MTCL2: variants seen among roughly 807,000 people sequenced by gnomAD.
The protein encoded by MTCL2 is microtubule cross-linking factor 2.
the MTCL2 span, chr20:36,783,478 C>T: frequency 6.6e-6 from 1 of 152,370 alleles, no homozygotes; most frequent in African/African-American, 2.4e-5. Context: ...GATGCCAACC[C>T]CATGGACCCA....
At chr20:36,822,205 G>T in the MTCL2 span, among the ~76,000 whole-genome samples, 29 of 152,380 alleles carry the variant, frequency 1.9e-4, no homozygotes, top group East Asian at 5.0e-3. Flanking sequence ...GCTGCACCCC[G>T]CAAGAAAGCC....
the MTCL2 span, among the ~76,000 whole-genome samples, chr20:36,788,379 C>T: frequency 2.6e-5 from 4 of 151,138 alleles, no homozygotes; most frequent in East Asian, 4.0e-4. Flanking sequence ...GGCCCGGGCG[C>T]GGTGGCTCAT....
At chr20:36,819,519 A>G in the MTCL2 span, among the ~76,000 whole-genome samples, 21 of 152,084 alleles carry the variant, frequency 1.4e-4, 2 homozygotes, top group South Asian at 4.4e-3. Context: ...CCAAATTCCA[A>G]AGAGTTGGTA....
At chr20:36,781,754 A>G in the MTCL2 span, 1 of 151,934 alleles carries the variant, frequency 6.6e-6, no homozygotes, top group African/African-American at 2.4e-5. Flanking sequence ...AACTTAAAAA[A>G]AGAAAGATAG....
At chr20:36,812,787 T>C in the MTCL2 span, 18 of 1,613,774 alleles carry the variant, frequency 1.1e-5, no homozygotes, top group Non-Finnish European at 1.5e-5. Context: ...AAGTCACCAG[T>C]GCGGAAAGCC....
At chr20:36,835,839 C>T in the MTCL2 span, among the ~76,000 whole-genome samples, 2 of 152,170 alleles carry the variant, frequency 1.3e-5, no homozygotes, top group Non-Finnish European at 2.9e-5. Context: ...CACCCGCTCC[C>T]CACACCCGCC....
At chr20:36,830,777 C>T in the MTCL2 span, among the ~76,000 whole-genome samples, 32 of 152,332 alleles carry the variant, frequency 2.1e-4, no homozygotes, top group Middle Eastern at 3.4e-3. Flanking sequence ...ACAGGCCCGA[C>T]AGGATAACTG....
the MTCL2 span, among the ~76,000 whole-genome samples, chr20:36,817,141 C>T: frequency 6.6e-6 from 1 of 151,710 alleles, no homozygotes; most frequent in Non-Finnish European, 1.5e-5. Context: ...GTGGTGCACG[C>T]CTGTAGTCCC....
At chr20:36,804,559 T>G in the MTCL2 span, among the ~76,000 whole-genome samples, 1 of 152,188 alleles carries the variant, frequency 6.6e-6, no homozygotes, top group Non-Finnish European at 1.5e-5. Context: ...CCCCACCGTT[T>G]CTGATACCCT....
the MTCL2 span, among the ~76,000 whole-genome samples, chr20:36,810,781 G>A: frequency 5.0e-5 from 7 of 140,038 alleles, no homozygotes; most frequent in East Asian, 2.2e-4. Context: ...AGCTTTGAGC[G>A]TGATCTTGGC....
chr20:36,848,023 C>T, the MTCL2 span, among the ~76,000 whole-genome samples: 20 of 152,180 alleles, frequency 1.3e-4, no homozygotes, highest in African/African-American at 4.6e-4. Flanking sequence ...GGGCATGTGC[C>T]TGTAGTCCCC....
At chr20:36,799,797 A>G in the MTCL2 span, among the ~76,000 whole-genome samples, 1 of 152,246 alleles carries the variant, frequency 6.6e-6, no homozygotes, top group South Asian at 2.1e-4. Context: ...AGACCATAGA[A>G]TCAAACCAAG....
chr20:36,841,888 T>G, the MTCL2 span, among the ~76,000 whole-genome samples: 12 of 149,678 alleles, frequency 8.0e-5, 1 homozygote, highest in South Asian at 4.2e-4. Flanking sequence ...TGTGTGTGTG[T>G]GTGTGTGTGT....
At chr20:36,794,916 G>A in the MTCL2 span, among the ~76,000 whole-genome samples, 1 of 151,710 alleles carries the variant, frequency 6.6e-6, no homozygotes, top group East Asian at 1.9e-4. This position sits in a 1 kb window ranked among gnomAD's most constrained non-coding sequence, Gnocchi z 5.4. Context: ...CTACAGGTGT[G>A]CACCACCAAA....
chr20:36,817,460 T>C, the MTCL2 span: 1 of 1,573,000 alleles, frequency 6.4e-7, no homozygotes, highest in Admixed American at 1.9e-5. Context: ...CCTCTTTTCT[T>C]CAAGGAATGC....
the MTCL2 span, among the ~76,000 whole-genome samples, chr20:36,820,924 T>C: frequency 5.9e-5 from 9 of 152,204 alleles, no homozygotes; most frequent in African/African-American, 1.2e-4. Flanking sequence ...CAAAGCAAAC[T>C]GCTGATGCTG....
the MTCL2 span, among the ~76,000 whole-genome samples, chr20:36,832,774 C>T: frequency 1.2e-3 from 185 of 152,138 alleles, no homozygotes; most frequent in South Asian, 2.3e-3. Flanking sequence ...ACCCAGGAGA[C>T]GGAGGTTGCA....
chr20:36,802,765 C>T, the MTCL2 span: 1 of 1,441,508 alleles, frequency 6.9e-7, no homozygotes, highest in Non-Finnish European at 9.3e-7. Flanking sequence ...CACCTAGATC[C>T]AGCTATACCT....
chr20:36,804,824 G>A, the MTCL2 span: 7 of 1,613,924 alleles, frequency 4.3e-6, no homozygotes, highest in Non-Finnish European at 4.2e-6. Context: ...GTCAGACCAC[G>A]GCGTTCATCC....
Sources: gnomAD v4.1 joint callset for allele counts (sites outside exome capture counted in the v4.1 genomes callset) on GRCh38, gnomAD v4.1.1 for gene constraint, Gnocchi (gnomAD v3.1) non-coding constraint, MANE v1.5 for transcripts, NCBI Gene and HGNC (gene_info 2026-07-23, HGNC 2026-07-21) for gene names.